The following MAN1A2 variants were observed in gnomAD, a reference collection of about 807,000 sequenced individuals.
MAN1A2 encodes mannosidase alpha class 1A member 2.
Under a neutral mutation model 75.7 loss-of-function variants are expected in MAN1A2, and 26 were observed. That is an observed-to-expected ratio of 0.34 (90% CI 0.25 to 0.48). MAN1A2 has a LOEUF of 0.48. Among genes scored for constraint, MAN1A2 ranks in the 20% least tolerant of loss-of-function variants. MAN1A2 has a pLI of 0.99. For synonymous variants in MAN1A2, 247 were observed against 264.6 expected (o/e 0.93, Z 0.65); for missense variants, 562 against 775.5 (o/e 0.72, Z 3.27).
intron 2 of MAN1A2, 145 bp from the exon 3 acceptor site, chr1:117,405,404 C>G: frequency 1.6e-6 from 1 of 622,992 alleles, no homozygotes; most frequent in South Asian, 2.0e-5. Flanking sequence ...TGTTTTCATA[C>G]TGATACAAAT....
intron 6 of MAN1A2, among the ~76,000 whole-genome samples, chr1:117,445,242 T>C (rs967374298): frequency 6.6e-6 from 1 of 152,206 alleles, no homozygotes; most frequent in African/African-American, 2.4e-5. Flanking sequence ...CTTTTTATAT[T>C]TTGCTGTATT....
intron 8 of MAN1A2, among the ~76,000 whole-genome samples, chr1:117,483,669 A>G (rs779603857): frequency 7.9e-5 from 12 of 152,124 alleles, no homozygotes; most frequent in Admixed American, 2.0e-4. Flanking sequence ...TAAACATACA[A>G]TCATGTCATC....
At chr1:117,388,982 T>C (rs1653631655) in intron 1 of MAN1A2, among the ~76,000 whole-genome samples, 1 of 152,200 alleles carries the variant, frequency 6.6e-6, no homozygotes, top group Non-Finnish European at 1.5e-5. Flanking sequence ...GTTTCTGACC[T>C]CTTTCTGATG....
At chr1:117,508,414 C>A (rs1476663628) in intron 12 of MAN1A2, among the ~76,000 whole-genome samples, 3 of 151,540 alleles carry the variant, frequency 2.0e-5, no homozygotes, top group Non-Finnish European at 4.4e-5. Flanking sequence ...ATCAGAGTCT[C>A]TGGGGCAGAA....
rs564938873 is a variant in MAN1A2, at chr1:117,509,970, T to C, written c.1793+7000T>C. 2.8e-3 allele frequency among the ~76,000 whole-genome samples: 419 copies of C among 151,798 alleles called. 4 individuals carry two copies. Among genetic ancestry groups the C allele is most frequent in the South Asian group, 0.013 (63 of 4,818 alleles). ...ATAATATATATCCTTTAGCCTTTTT[T>C]CTCCATATATAAGATTATATATACC... On this transcript the variant is annotated intron_variant, in intron 12 of 12. Coordinates refer to ENST00000356554, the MANE Select transcript of MAN1A2 (RefSeq NM_006699.5).
chr1:117,376,561 A>G (rs1311874712), intron 1 of MAN1A2, among the ~76,000 whole-genome samples: 1 of 152,214 alleles, frequency 6.6e-6, no homozygotes, highest in African/African-American at 2.4e-5. Flanking sequence ...CTCACCCACC[A>G]ACTCTCCTCA....
chr1:117,383,768 G>C (rs898615612), intron 1 of MAN1A2, among the ~76,000 whole-genome samples: 2 of 150,346 alleles, frequency 1.3e-5, no homozygotes, highest in South Asian at 2.1e-4. Context: ...TTTTTTAAGC[G>C]TTGGGGGTCT....
chr1:117,369,828 A>T (rs932541094), intron 1 of MAN1A2, among the ~76,000 whole-genome samples: 1 of 152,210 alleles, frequency 6.6e-6, no homozygotes, highest in Non-Finnish European at 1.5e-5. Context: ...GTTTTCCTTG[A>T]AAATCTTATT....
At chr1:117,511,500 T>G (rs564780408) in intron 12 of MAN1A2, among the ~76,000 whole-genome samples, 1 of 152,080 alleles carries the variant, frequency 6.6e-6, no homozygotes, top group Non-Finnish European at 1.5e-5. Context: ...TTTTAATCTA[T>G]CTTCCAGTAG....
intron 4 of MAN1A2, among the ~76,000 whole-genome samples, chr1:117,416,628 T>C (rs11807022): frequency 0.25 from 38,268 of 152,068 alleles, 5,595 homozygotes; most frequent in East Asian, 0.48. Flanking sequence ...ATCCAACTAA[T>C]GGGGAACCAA....
In MAN1A2 at chr1:117,521,232, T is replaced by G. The variant is rs563120692; in HGVS notation, c.1794-1593T>G. Among the ~76,000 whole-genome samples the G allele has an allele frequency of 5.3e-4, 80 of 152,078 alleles. 1 individual carries two copies. Among genetic ancestry groups the G allele is most frequent in the African/African-American group, 1.8e-3 (76 of 41,486 alleles). ...TAGAAGATAACATTGGAAAAACCCTTCTAGACATTGGCTTAGGCAAGGATT... is the reference window on the plus strand; with the variant it reads ...TAGAAGATAACATTGGAAAAACCCTGCTAGACATTGGCTTAGGCAAGGATT... On this transcript the variant is annotated intron_variant, in intron 12 of 12. Transcript: ENST00000356554.
intron 8 of MAN1A2, among the ~76,000 whole-genome samples, chr1:117,480,137 TG>T (rs1331111201): frequency 2.0e-5 from 3 of 151,914 alleles, no homozygotes; most frequent in Non-Finnish European, 4.4e-5. Flanking sequence ...CACGTGCAAG[TG>T]CTGCTCAGTA....
intron 11 of MAN1A2, among the ~76,000 whole-genome samples, chr1:117,501,447 G>A (rs190224462): frequency 7.2e-5 from 11 of 151,936 alleles, no homozygotes; most frequent in African/African-American, 2.4e-4. Context: ...AGGCAGAATA[G>A]CAGTATAGCG....
At chr1:117,400,394 T>C (rs1195556743) in intron 1 of MAN1A2, among the ~76,000 whole-genome samples, 4 of 151,842 alleles carry the variant, frequency 2.6e-5, no homozygotes, top group Non-Finnish European at 5.9e-5. Flanking sequence ...AATTTTTCTT[T>C]TGGCATACAG....
At chr1:117,515,855 G>A (rs1338546606) in intron 12 of MAN1A2, 5 of 152,090 alleles carry the variant, frequency 3.3e-5, no homozygotes. Context: ...GCAAAGAACA[G>A]TGTGAATATA....
chr1:117,487,749 A>G (rs57673066), intron 8 of MAN1A2, among the ~76,000 whole-genome samples: 2,967 of 152,172 alleles, frequency 0.019, 33 homozygotes, highest in East Asian at 0.054. Context: ...TGTGCTGAAA[A>G]GGTACCACTA....
intron 12 of MAN1A2, among the ~76,000 whole-genome samples, chr1:117,506,498 A>G (rs1361132780): frequency 6.6e-6 from 1 of 151,578 alleles, no homozygotes; most frequent in African/African-American, 2.4e-5. Context: ...TTTATCTAGC[A>G]TATATACTGA....
chr1:117,494,019 C>T (rs1650968366), intron 9 of MAN1A2: 1 of 151,978 alleles, frequency 6.6e-6, no homozygotes, highest in East Asian at 1.9e-4. Context: ...TGTTCTAACC[C>T]TTCTTACATA....
intron 9 of MAN1A2, among the ~76,000 whole-genome samples, chr1:117,495,727 A>C (rs936717610): frequency 6.6e-6 from 1 of 151,908 alleles, no homozygotes; most frequent in African/African-American, 2.4e-5. Flanking sequence ...GGAATACCTT[A>C]TATGTGGAAA....
Sources: gnomAD v4.1 joint callset for allele counts (sites outside exome capture counted in the v4.1 genomes callset) on GRCh38, gnomAD v4.1.1 for gene constraint, MANE v1.5 for transcripts, NCBI Gene and HGNC (gene_info 2026-07-23, HGNC 2026-07-21) for gene names.